Variants in QTMAN observed in about 807,000 individuals in gnomAD.
QTMAN encodes the protein queuosine-tRNA mannosyltransferase, also known as tRNA-queuosine alpha-mannosyltransferase.
chr2:144,265,423 C>T, the QTMAN span, among the ~76,000 whole-genome samples: 11 of 152,144 alleles, frequency 7.2e-5, no homozygotes, highest in South Asian at 2.1e-4. Flanking sequence ...CTCGGTCAGG[C>T]GCGGTGGCTC....
At chr2:144,074,524 G>A in the QTMAN span, among the ~76,000 whole-genome samples, 1 of 152,174 alleles carries the variant, frequency 6.6e-6, no homozygotes, top group Admixed American at 6.5e-5. Flanking sequence ...AATAACTTTT[G>A]GACTTCATAT....
At chr2:143,943,556 A>G in the QTMAN span, 3 of 152,254 alleles carry the variant, frequency 2.0e-5, no homozygotes, top group Non-Finnish European at 2.9e-5. Flanking sequence ...ATTTCTGGGT[A>G]GCAGATGCTT....
At chr2:144,122,969 C>T in the QTMAN span, among the ~76,000 whole-genome samples, 1 of 152,168 alleles carries the variant, frequency 6.6e-6, no homozygotes, top group Non-Finnish European at 1.5e-5. Context: ...TGGACACACA[C>T]ATACACACAC....
At chr2:144,257,040 A>AT in the QTMAN span, among the ~76,000 whole-genome samples, 273 of 149,992 alleles carry the variant, frequency 1.8e-3, 1 homozygote, top group African/African-American at 6.2e-3. Flanking sequence ...AACTAAAAAA[A>AT]TTTTTTAAAG....
chr2:144,229,190 C>G, the QTMAN span, among the ~76,000 whole-genome samples: 1 of 152,182 alleles, frequency 6.6e-6, no homozygotes, highest in Admixed American at 6.5e-5. Context: ...TAATCATTCT[C>G]TATGTATGTT....
the QTMAN span, among the ~76,000 whole-genome samples, chr2:144,247,563 ATAAAT>A: frequency 1.3e-5 from 2 of 152,226 alleles, no homozygotes; most frequent in Non-Finnish European, 2.9e-5. Context: ...AATGTCTAAA[ATAAAT>A]TAACTCAAAA....
chr2:144,213,548 G>A, the QTMAN span, among the ~76,000 whole-genome samples: 1 of 152,062 alleles, frequency 6.6e-6, no homozygotes, highest in African/African-American at 2.4e-5. Context: ...CAGAGGAATT[G>A]TTGTATTAAT....
chr2:144,057,685 C>T, the QTMAN span, among the ~76,000 whole-genome samples: 8 of 152,076 alleles, frequency 5.3e-5, no homozygotes, highest in South Asian at 2.1e-4. Context: ...AATACCTCTT[C>T]CAAGTATTTA....
chr2:144,120,158 T>C, the QTMAN span, among the ~76,000 whole-genome samples: 1 of 152,226 alleles, frequency 6.6e-6, no homozygotes, highest in Non-Finnish European at 1.5e-5. Flanking sequence ...TCCCCTAGTA[T>C]GAGATGATCT....
chr2:144,312,575 C>G, the QTMAN span, among the ~76,000 whole-genome samples: 1 of 152,224 alleles, frequency 6.6e-6, no homozygotes, highest in African/African-American at 2.4e-5. Context: ...CTCCTCCCCT[C>G]CAGGAACAAG....
chr2:144,132,118 A>C, the QTMAN span, among the ~76,000 whole-genome samples: 2 of 151,840 alleles, frequency 1.3e-5, no homozygotes, highest in Non-Finnish European at 2.9e-5. Flanking sequence ...GAAGATTAAA[A>C]ACTCTGTCTT....
At chr2:143,992,507 T>A in the QTMAN span, among the ~76,000 whole-genome samples, 2 of 150,152 alleles carry the variant, frequency 1.3e-5, no homozygotes, top group African/African-American at 2.5e-5. Context: ...TCCCCCTCTG[T>A]GAGAAACACC....
chr2:144,270,538 G>A, the QTMAN span, among the ~76,000 whole-genome samples: 1 of 151,548 alleles, frequency 6.6e-6, no homozygotes, highest in Non-Finnish European at 1.5e-5. Flanking sequence ...ATCGTTCTCA[G>A]CAAACTAACA....
At chr2:144,303,898 T>C in the QTMAN span, among the ~76,000 whole-genome samples, 3 of 152,216 alleles carry the variant, frequency 2.0e-5, no homozygotes, top group Non-Finnish European at 2.9e-5. Flanking sequence ...ACTAAGTACA[T>C]GGTGGTTCAG....
the QTMAN span, among the ~76,000 whole-genome samples, chr2:144,056,910 A>G: frequency 6.6e-6 from 1 of 152,272 alleles, no homozygotes; most frequent in South Asian, 2.1e-4. Context: ...ATGTATTCCA[A>G]TAAAACATTT....
At chr2:143,949,389 G>A in the QTMAN span, among the ~76,000 whole-genome samples, 1 of 151,952 alleles carries the variant, frequency 6.6e-6, no homozygotes, top group African/African-American at 2.4e-5. Context: ...AAAGCCAAGT[G>A]TTAGTAGCCT....
At chr2:144,224,852 T>C in the QTMAN span, among the ~76,000 whole-genome samples, 1 of 152,224 alleles carries the variant, frequency 6.6e-6, no homozygotes, top group Non-Finnish European at 1.5e-5. Context: ...GATATTATCA[T>C]GACCCAAATA....
chr2:144,219,277 C>T, the QTMAN span, among the ~76,000 whole-genome samples: 5 of 152,042 alleles, frequency 3.3e-5, no homozygotes, highest in African/African-American at 4.8e-5. Context: ...ATTGCAGGCA[C>T]GCACCACCAT....
At chr2:144,187,688 G>A in the QTMAN span, among the ~76,000 whole-genome samples, 5 of 151,960 alleles carry the variant, frequency 3.3e-5, no homozygotes, top group East Asian at 1.9e-4. Context: ...TTTATTTAAC[G>A]GTAACAACAA....
Sources: gnomAD v4.1 joint callset for allele counts (sites outside exome capture counted in the v4.1 genomes callset) on GRCh38, gnomAD v4.1.1 for gene constraint, MANE v1.5 for transcripts, NCBI Gene and HGNC (gene_info 2026-07-23, HGNC 2026-07-21) for gene names.